The following TRIP4 variants were observed in gnomAD, a reference collection of about 807,000 sequenced individuals.
TRIP4 encodes activating signal cointegrator 1.
In TRIP4, 54 loss-of-function variants were observed where a neutral mutation model predicts 81.8. The observed-to-expected ratio is 0.66, with a 90% CI of 0.53 to 0.83. The LOEUF is 0.83. TRIP4 is among the 40% of genes least tolerant of loss of function. The pLI is 0.00. For synonymous variants in TRIP4, 270 were observed against 242.8 expected, an observed-to-expected ratio of 1.11 and a Z score of -1.04; for missense variants, 662 against 683.6, an observed-to-expected ratio of 0.97 and a Z score of 0.35.
intron 4 of TRIP4, among the ~76,000 whole-genome samples, chr15:64,398,772 A>G (rs2140284386): frequency 6.6e-6 from 1 of 152,256 alleles, no homozygotes; most frequent in East Asian, 1.9e-4. Context: ...TCAAGAATGC[A>G]GTGATAATGA....
At chr15:64,432,824 T>C (rs1315970958) in intron 11 of TRIP4, among the ~76,000 whole-genome samples, 6 of 151,380 alleles carry the variant, frequency 4.0e-5, no homozygotes, top group South Asian at 2.1e-4. Flanking sequence ...GGCAGGAGAA[T>C]CTCTTGAACC....
At chr15:64,411,384 T>C (rs771838781) in intron 7 of TRIP4, among the ~76,000 whole-genome samples, 1 of 152,072 alleles carries the variant, frequency 6.6e-6, no homozygotes, top group Non-Finnish European at 1.5e-5. Context: ...ATGCTAATAA[T>C]GGGGGAGGCT....
chr15:64,387,977 C>A lies in TRIP4; in HGVS notation c.101+13C>A. 6.5e-7 allele frequency: 1 copy of A among 1,543,330 alleles called. No homozygotes were observed. The highest frequency in any genetic ancestry group is 8.8e-7 in the Non-Finnish European group (1 of 1,142,190). On this transcript the variant is annotated intron_variant, in intron 1 of 12. Transcript: ENST00000261884. ...AGGAGATCATTCAGTGAGAACAGTT[C>A]GGGTCCAAGCGGGGAAGGAGCTCTG...
intron 9 of TRIP4, 25 bp from the exon 10 acceptor site, chr15:64,424,006 C>T (rs775088265): frequency 8.1e-6 from 13 of 1,612,286 alleles, no homozygotes; most frequent in Middle Eastern, 3.3e-4. Context: ...TTATATCCTT[C>T]CCACTAAATT....
chr15:64,395,344 G>T, intron 2 of TRIP4, 54 bp from the exon 3 acceptor site: 1 of 1,488,590 alleles, frequency 6.7e-7, no homozygotes, highest in Non-Finnish European at 9.0e-7. Context: ...AGTTCACCAG[G>T]AATCCTCTTA....
At chr15:64,438,736 A>C (rs755698919) in intron 11 of TRIP4, among the ~76,000 whole-genome samples, 5 of 152,226 alleles carry the variant, frequency 3.3e-5, no homozygotes, top group African/African-American at 4.8e-5. Flanking sequence ...TTATGAGGTT[A>C]ATTTTAGAGA....
chr15:64,413,548 A>G (rs1025715725), intron 7 of TRIP4, among the ~76,000 whole-genome samples: 3 of 151,622 alleles, frequency 2.0e-5, no homozygotes, highest in Admixed American at 6.6e-5. Context: ...AGCGTGCCCT[A>G]TGTATTTTCT....
intron 4 of TRIP4, among the ~76,000 whole-genome samples, chr15:64,399,195 A>G (rs1891428663): frequency 6.6e-6 from 1 of 151,902 alleles, no homozygotes; most frequent in Non-Finnish European, 1.5e-5. Flanking sequence ...CAGGTGATCC[A>G]ACCATCTCAG....
rs760224952 is a variant in TRIP4 at position 64,400,835 on chromosome 15, T to C, written c.697+14T>C. On this transcript the variant is annotated intron_variant, in intron 5 of 12. Coordinates refer to ENST00000261884, the MANE Select transcript of TRIP4 (RefSeq NM_016213.5). The stretch of plus-strand genomic sequence containing the variant: ...AACTCATGTCAGGTAGACAGCAGTC[T>C]TGTAATTGGATCACTGGGATGATGG... 6.2e-7 allele frequency: 1 copy of C among 1,607,902 alleles called. No homozygotes were observed. The highest frequency in any genetic ancestry group is 1.1e-5 in the South Asian group (1 of 90,776).
intron 4 of TRIP4, among the ~76,000 whole-genome samples, chr15:64,399,602 A>G (rs1336711030): frequency 3.9e-5 from 6 of 151,976 alleles, no homozygotes; most frequent in Admixed American, 3.9e-4. Context: ...TTCAAGTTCA[A>G]GTGATTCTCC....
Position 64,418,599 on chromosome 15 carries a change from G to A in TRIP4, c.1229G>A (p.Gly410Glu). The change falls in exon 9 of 13, where the codon GGA becomes GAA. Residue 410 changes from glycine (G) to glutamate (E), a missense_variant. Transcript: ENST00000261884. Reference sequence around the variant, plus strand: ...AAGGCTTTCCGTTCTTCAGGATTTGGACTAGAGTTCAACTCATTTCAGCAC... The same window carrying A: ...AAGGCTTTCCGTTCTTCAGGATTTGAACTAGAGTTCAACTCATTTCAGCAC... ...QKKAFRSSGF[G>E]LEFNSFQHQL... The A allele has an allele frequency of 6.2e-7, 1 of 1,613,596 alleles. No individual in the cohort carries two copies. Among genetic ancestry groups the A allele is most frequent in the Admixed American group, 1.7e-5 (1 of 60,008 alleles).
At chr15:64,440,067 A>G (rs950653519) in intron 11 of TRIP4, among the ~76,000 whole-genome samples, 4 of 151,762 alleles carry the variant, frequency 2.6e-5, no homozygotes, top group African/African-American at 4.8e-5. Flanking sequence ...ATATATATAC[A>G]TATTTATTTA....
intron 7 of TRIP4, among the ~76,000 whole-genome samples, chr15:64,410,515 A>G (rs146201439): frequency 2.8e-4 from 43 of 152,330 alleles, no homozygotes; most frequent in African/African-American, 9.9e-4. Flanking sequence ...TAAATATGTT[A>G]TTTTGGGATA....
intron 7 of TRIP4, among the ~76,000 whole-genome samples, 180 bp downstream of exon 7, chr15:64,410,008 T>C (rs994620142): frequency 6.6e-6 from 1 of 151,696 alleles, no homozygotes; most frequent in Non-Finnish European, 1.5e-5. Flanking sequence ...AGATAATTAC[T>C]GATTTTTGTG....
intron 6 of TRIP4, among the ~76,000 whole-genome samples, chr15:64,408,165 T>TTG (rs1445081454): frequency 1.3e-5 from 2 of 150,432 alleles, no homozygotes; most frequent in Non-Finnish European, 3.0e-5. Context: ...TTATTTTTGT[T>TTG]TTTTTTTTTT....
intron 11 of TRIP4, among the ~76,000 whole-genome samples, chr15:64,427,171 A>G (rs1892169360): frequency 6.6e-6 from 1 of 152,138 alleles, no homozygotes; most frequent in Non-Finnish European, 1.5e-5. Flanking sequence ...CTTGAAGCAC[A>G]AACAGTCTTA....
rs1376294499 is a variant in TRIP4, at chr15:64,405,158, C to CT, written c.698-1158dup. On this transcript the variant is annotated intron_variant, in intron 5 of 12. Coordinates refer to ENST00000261884, the MANE Select transcript of TRIP4 (RefSeq NM_016213.5). Reference sequence around the variant, plus strand: ...CTATGGTCTAATTTCTTTTTCTTTTCTTTTTTTTTTTTTTGAGATGGAGTC... The same window carrying CT: ...CTATGGTCTAATTTCTTTTTCTTTTCTTTTTTTTTTTTTTTGAGATGGAGTC... 5.9e-3 allele frequency among the ~76,000 whole-genome samples: 838 copies of CT among 142,486 alleles called. 2 individuals are homozygous for CT. The highest frequency in any genetic ancestry group is 0.014 in the African/African-American group (562 of 39,208). The allele number at this position is 142,486 out of a possible 152,430, so 93.5% of individuals were successfully genotyped here. A position where few individuals can be genotyped will look rare whatever the true frequency, so the allele number is the denominator to read the frequency against.
intron 5 of TRIP4, among the ~76,000 whole-genome samples, chr15:64,402,760 A>G (rs578080132): frequency 2.0e-5 from 3 of 152,120 alleles, no homozygotes; most frequent in East Asian, 3.9e-4. Flanking sequence ...TCCTGACCTC[A>G]GATGATCTGC....
At chr15:64,394,160 G>T in intron 2 of TRIP4, 45 bp downstream of exon 2, 1 of 1,484,904 alleles carries the variant, frequency 6.7e-7, no homozygotes, top group Non-Finnish European at 9.0e-7. Flanking sequence ...TGGTAAGTGG[G>T]CAGGCTTAAA....
Sources: allele counts gnomAD v4.1 joint callset (sites outside exome capture counted in the v4.1 genomes callset), GRCh38; gene constraint gnomAD v4.1.1; transcripts MANE v1.5; gene names NCBI Gene and HGNC (gene_info 2026-07-23, HGNC 2026-07-21).